Variants in EPG5 observed in about 807,000 individuals in gnomAD.
EPG5 encodes ectopic P granules protein 5 homolog.
A neutral mutation model predicts 302.7 loss-of-function variants in EPG5; 159 were observed. The observed-to-expected ratio is 0.53, with a 90% confidence interval of 0.46 to 0.60. EPG5 has a LOEUF of 0.60. Among genes scored for constraint, EPG5 ranks in the 20% least tolerant of loss-of-function variants. The pLI is 0.00. For missense variants in EPG5, 2,896 were observed against 3,092.4 expected (o/e 0.94, Z 1.51); for synonymous variants, 1,158 against 1,136.8 (o/e 1.02, Z -0.37).
chr18:45,912,196 C>G, intron 22 of EPG5, 94 bp downstream of exon 22: 1 of 1,183,060 alleles, frequency 8.5e-7, no homozygotes, highest in East Asian at 2.7e-5. Context: ...AAGAATGATT[C>G]CAACTCACAC....
intron 36 of EPG5, among the ~76,000 whole-genome samples, chr18:45,869,144 C>T (rs896666119): frequency 3.3e-5 from 5 of 151,662 alleles, no homozygotes; most frequent in African/African-American, 1.2e-4. Context: ...TATTTAAATA[C>T]TTCTAATTTG....
chr18:45,900,845 C>T, intron 26 of EPG5, 151 bp downstream of exon 26: 1 of 614,324 alleles, frequency 1.6e-6, no homozygotes, highest in Non-Finnish European at 2.7e-6. Context: ...CTTGTCACAA[C>T]TTGGTTAACC....
rs1166365107 is a variant in EPG5, at chr18:45,920,988, C to A, written c.3098+1353G>T. Among the ~76,000 whole-genome samples, 9 of 152,322 alleles carry A rather than the reference C, an allele frequency of 5.9e-5. No individual in the cohort carries two copies. In the South Asian group the frequency reaches 1.7e-3, roughly 28 times the overall value. Reference sequence around the variant, plus strand: ...AGATACTTAGAGAACTGGCCCCCAGCCCACTTAGGCCAGGATTCTCACCCT... The same window carrying A: ...AGATACTTAGAGAACTGGCCCCCAGACCACTTAGGCCAGGATTCTCACCCT... On this transcript the variant is annotated intron_variant, in intron 16 of 43. Transcript: ENST00000282041.
intron 35 of EPG5, among the ~76,000 whole-genome samples, chr18:45,873,793 G>C (rs1389955838): frequency 2.0e-5 from 3 of 152,090 alleles, no homozygotes; most frequent in Non-Finnish European, 4.4e-5. Flanking sequence ...ACCTCTTCAA[G>C]GTAAGATAAG....
chr18:45,825,681 G>A, the EPG5 span: 1 of 1,604,970 alleles, frequency 6.2e-7, no homozygotes, highest in Non-Finnish European at 8.5e-7. Flanking sequence ...CCTCACTGGG[G>A]AGGTGGCCGA....
intron 10 of EPG5, among the ~76,000 whole-genome samples, chr18:45,937,050 G>C (rs2050544598): frequency 6.6e-6 from 1 of 151,878 alleles, no homozygotes. Context: ...GTTGGGCCAG[G>C]TTTCTATCTT....
intron 9 of EPG5, among the ~76,000 whole-genome samples, chr18:45,941,735 G>A (rs898214592): frequency 1.3e-5 from 2 of 152,186 alleles, no homozygotes; most frequent in African/African-American, 4.8e-5. Context: ...TCATGTAAGT[G>A]AGCTTATGGA....
intron 9 of EPG5, among the ~76,000 whole-genome samples, chr18:45,940,661 GC>G (rs1454188563): frequency 9.2e-5 from 14 of 151,700 alleles, no homozygotes; most frequent in Non-Finnish European, 4.4e-5. Flanking sequence ...ATGATGTGAT[GC>G]CATAATTTGG....
At chr18:45,916,298 T>C (rs2050031044) in intron 18 of EPG5, 92 bp from the exon 19 acceptor site, 5 of 1,519,836 alleles carry the variant, frequency 3.3e-6, no homozygotes. Flanking sequence ...CCACTACAAA[T>C]CCCAAATCTA....
At chr18:45,914,766 G>A (rs374874827) in intron 20 of EPG5, among the ~76,000 whole-genome samples, 13 of 152,108 alleles carry the variant, frequency 8.5e-5, no homozygotes, top group East Asian at 1.9e-4. Flanking sequence ...TCTGCAGTCC[G>A]GCTGGCTGCG....
At chr18:45,934,728 T>A in intron 11 of EPG5, 81 bp downstream of exon 11, 1 of 1,477,928 alleles carries the variant, frequency 6.8e-7, no homozygotes. Flanking sequence ...TCTTAGTCCT[T>A]CTAAAAGTAA....
At chr18:45,944,276 T>A (rs2050740472) in intron 7 of EPG5, among the ~76,000 whole-genome samples, 157 bp from the exon 8 acceptor site, 1 of 152,160 alleles carries the variant, frequency 6.6e-6, no homozygotes, top group Non-Finnish European at 1.5e-5. Flanking sequence ...ATTTATAGTA[T>A]CAGTTCCACA....
In EPG5 at chr18:45,899,246, G is replaced by A. The variant is rs185165931; in HGVS notation, c.4809+158C>T. On this transcript the variant is annotated intron_variant, in intron 27 of 43. Coordinates refer to ENST00000282041, the MANE Select transcript of EPG5 (RefSeq NM_020964.3). Reference sequence around the variant, plus strand: ...ACTCATCTGGTACCTACAAAAATGTGTGATTAGCTCTATGAGTGTTTTCAT... The same window carrying A: ...ACTCATCTGGTACCTACAAAAATGTATGATTAGCTCTATGAGTGTTTTCAT... Among the ~76,000 whole-genome samples, 38 of 152,242 alleles carry A rather than the reference G, an allele frequency of 2.5e-4. 2 individuals are homozygous for A. In the East Asian group the frequency reaches 7.3e-3, roughly 29 times the overall value.
intron 10 of EPG5, among the ~76,000 whole-genome samples, chr18:45,939,043 G>A (rs1033911041): frequency 6.6e-6 from 1 of 152,196 alleles, no homozygotes; most frequent in Non-Finnish European, 1.5e-5. Flanking sequence ...CTCAGGGAAG[G>A]GAGCACGGGA....
At chr18:45,865,879 C>T in intron 38 of EPG5, 120 bp from the exon 39 acceptor site, 1 of 1,135,196 alleles carries the variant, frequency 8.8e-7, no homozygotes, top group South Asian at 1.5e-5. Context: ...GGGGACAGAA[C>T]AGGAAGCCAC....
At chr18:45,891,740 T>C (rs1325835820) in intron 27 of EPG5, among the ~76,000 whole-genome samples, 1 of 152,164 alleles carries the variant, frequency 6.6e-6, no homozygotes, top group Non-Finnish European at 1.5e-5. Context: ...TTCTAGAACA[T>C]ATAATGTTAA....
At chr18:45,802,572 C>T in the EPG5 span, among the ~76,000 whole-genome samples, 1 of 152,068 alleles carries the variant, frequency 6.6e-6, no homozygotes, top group African/African-American at 2.4e-5. Context: ...TACATCCAAA[C>T]TTCCAACCCC....
At position 45,946,732 on chromosome 18, in the gene EPG5, G is replaced by A. The variant is rs527293119; in HGVS notation, c.1608C>T (p.Ser536=). The change falls in exon 7 of 44, where the codon AGC becomes AGT. Residue 536 remains serine, a synonymous_variant. Transcript: ENST00000282041. The part of the protein sequence containing the change: ...RAEFMCHMKP[S]ERKPSSSGPG... ...GCCCTGAGGAGGATGGCTTCCGCTC[G>A]CTGGGCTTCATGTGGCACATAAACT... 3.6e-5 allele frequency: 58 copies of A among 1,614,126 alleles called. No individual in the cohort carries two copies. The highest frequency in any genetic ancestry group is 2.0e-4 in the South Asian group (18 of 91,080).
At chr18:45,915,847 G>A (rs753528749) in intron 19 of EPG5, among the ~76,000 whole-genome samples, 162 bp downstream of exon 19, 5 of 152,188 alleles carry the variant, frequency 3.3e-5, no homozygotes, top group Non-Finnish European at 7.3e-5. Context: ...TAGGGTCTAC[G>A]CTAGTGGACT....
Sources: allele counts gnomAD v4.1 joint callset (sites outside exome capture counted in the v4.1 genomes callset), GRCh38; gene constraint gnomAD v4.1.1; transcripts MANE v1.5; gene names NCBI Gene and HGNC (gene_info 2026-07-23, HGNC 2026-07-21).